Variants in FAT3 observed in about 807,000 individuals in gnomAD.
The protein encoded by FAT3 is protocadherin Fat 3.
A neutral mutation model predicts 310.2 loss-of-function variants in FAT3; 95 were observed. The observed-to-expected ratio is 0.31, with a 90% CI of 0.26 to 0.36. FAT3 has a LOEUF of 0.36. FAT3 is among the 10% of genes least tolerant of loss of function. FAT3 has a pLI of 1.00. For synonymous variants in FAT3, 2,314 were observed against 2,192.9 expected (o/e 1.06, Z -1.54); for missense variants, 5,408 against 5,715.6 (o/e 0.95, Z 1.74).
At chr11:92,278,847 C>G (rs1946348969) in intron 1 of FAT3, among the ~76,000 whole-genome samples, 1 of 152,096 alleles carries the variant, frequency 6.6e-6, no homozygotes, top group South Asian at 2.1e-4. Context: ...GAGACCAGCC[C>G]ATCTCAGGAG....
intron 3 of FAT3, among the ~76,000 whole-genome samples, chr11:92,578,223 T>A (rs555786357): frequency 4.8e-5 from 3 of 62,792 alleles, no homozygotes; most frequent in African/African-American, 9.6e-5. Context: ...TGACCAACAC[T>A]GATAATAATA....
intron 1 of FAT3, among the ~76,000 whole-genome samples, chr11:92,300,812 C>T (rs1946980681): frequency 1.3e-5 from 2 of 152,154 alleles, no homozygotes; most frequent in Admixed American, 1.3e-4. Flanking sequence ...TTGTCAAATA[C>T]ATGCATGACA....
intron 3 of FAT3, among the ~76,000 whole-genome samples, chr11:92,541,137 G>A (rs1954436173): frequency 6.6e-6 from 1 of 152,058 alleles, no homozygotes; most frequent in African/African-American, 2.4e-5. Context: ...GTTATTTATT[G>A]AACACCTACT....
intron 3 of FAT3, among the ~76,000 whole-genome samples, chr11:92,562,748 G>A (rs1206495702): frequency 6.6e-6 from 1 of 152,132 alleles, no homozygotes; most frequent in Non-Finnish European, 1.5e-5. Context: ...AAACTCTGAT[G>A]TCTAAGGATA....
At chr11:92,491,383 A>C (rs1362517951) in intron 2 of FAT3, among the ~76,000 whole-genome samples, 2 of 152,028 alleles carry the variant, frequency 1.3e-5, no homozygotes, top group African/African-American at 4.8e-5. Flanking sequence ...TACCTTTCAC[A>C]CAAAGAATTG....
At chr11:92,499,083 A>T (rs1182960049) in intron 2 of FAT3, 1 of 152,046 alleles carries the variant, frequency 6.6e-6, no homozygotes, top group Non-Finnish European at 1.5e-5. Context: ...TTTAGCAAGC[A>T]TTTATTGAAG....
At position 92,694,726 on chromosome 11, in the gene FAT3, G is replaced by A. The variant is rs1226948698; in HGVS notation, c.3608-2658G>A. 2.0e-5 allele frequency among the ~76,000 whole-genome samples: 3 copies of A among 152,108 alleles called. 1 individual carries two copies. The highest frequency in any genetic ancestry group is 4.8e-5 in the African/African-American group (2 of 41,410). ...AAAGGGGTCCTGGTCTTTTGTGGCC[G>A]GAAGAGCAGCAGGGTGAAGGCCAAC... On this transcript the variant is annotated intron_variant, in intron 3 of 27. Transcript: ENST00000525166.
intron 1 of FAT3, among the ~76,000 whole-genome samples, chr11:92,299,926 C>T (rs1372218277): frequency 6.6e-6 from 1 of 152,128 alleles, no homozygotes; most frequent in Non-Finnish European, 1.5e-5. Context: ...ATCTCTTCAG[C>T]AGGGCACATT....
rs947880470 is a variant in FAT3 at position 92,646,535 on chromosome 11, A to C, written c.3608-50849A>C. Among the ~76,000 whole-genome samples, 3 of 152,334 alleles carry C rather than the reference A, an allele frequency of 2.0e-5. No individual in the cohort carries two copies. In the South Asian group the frequency reaches 6.2e-4, roughly 32 times the overall value. ...CCATCTTTAATGTTTCATACCAGCTAGTTGAAGGGAAAGGCATACTTACTG... is the reference window on the plus strand; with the variant it reads ...CCATCTTTAATGTTTCATACCAGCTCGTTGAAGGGAAAGGCATACTTACTG... On this transcript the variant is annotated intron_variant, in intron 3 of 27. Coordinates refer to ENST00000525166, the MANE Select transcript of FAT3 (RefSeq NM_001367949.2).
chr11:92,496,751 A>G (rs564814542), intron 2 of FAT3, among the ~76,000 whole-genome samples: 1 of 152,046 alleles, frequency 6.6e-6, no homozygotes, highest in Admixed American at 6.6e-5. Context: ...ACGGTGTTAG[A>G]TTTGCAAATC....
chr11:92,736,680 T>C (rs142191624), intron 4 of FAT3, among the ~76,000 whole-genome samples: 2 of 152,292 alleles, frequency 1.3e-5, no homozygotes, highest in East Asian at 1.9e-4. Context: ...TAGCTACTGA[T>C]ACTGTAGAAA....
chr11:92,645,640 T>G (rs1182964482), intron 3 of FAT3, among the ~76,000 whole-genome samples: 2 of 152,196 alleles, frequency 1.3e-5, no homozygotes, highest in Non-Finnish European at 2.9e-5. Flanking sequence ...TTTGTTTGCT[T>G]TTTTTTAGGT....
In FAT3 at chr11:92,524,753, G is replaced by A. The variant is rs1217559978; in HGVS notation, c.3412G>A (p.Val1138Ile). The A allele has an allele frequency of 2.5e-6, 4 of 1,613,682 alleles. No homozygotes were observed. The highest frequency in any genetic ancestry group is 1.3e-5 in the African/African-American group (1 of 74,898). The change falls in exon 3 of 28, where the codon GTT becomes ATT. Residue 1138 changes from valine (V) to isoleucine (I), a missense_variant. Coordinates refer to ENST00000525166, the MANE Select transcript of FAT3 (RefSeq NM_001367949.2). ...LYSTIEVYIE[V>I]EDVNDNAPLT... ...CTCCACCATTGAGGTCTACATTGAA[G>A]TTGAAGATGTGAATGACAATGCCCC...
chr11:92,320,857 G>A (rs370808893), intron 1 of FAT3, among the ~76,000 whole-genome samples: 95 of 138,312 alleles, frequency 6.9e-4, no homozygotes, highest in African/African-American at 2.8e-3. Context: ...GCAATGGAGC[G>A]AAACTCCATC....
intron 4 of FAT3, among the ~76,000 whole-genome samples, chr11:92,724,231 T>A (rs1944936736): frequency 6.6e-6 from 1 of 152,142 alleles, no homozygotes; most frequent in African/African-American, 2.4e-5. Context: ...TGGCAGGCTA[T>A]CTTCTGAGGC....
At chr11:92,635,045 G>T (rs1432812895) in intron 3 of FAT3, among the ~76,000 whole-genome samples, 2 of 152,104 alleles carry the variant, frequency 1.3e-5, no homozygotes, top group Admixed American at 1.3e-4. Context: ...CTTGATATCG[G>T]ACTTCTAGCT....
intron 10 of FAT3, among the ~76,000 whole-genome samples, chr11:92,803,519 C>T (rs149746715): frequency 2.6e-5 from 4 of 152,154 alleles, no homozygotes; most frequent in African/African-American, 9.7e-5. Context: ...GAATCCTGGC[C>T]AGTGGTGAAG....
At position 92,844,614 on chromosome 11, in the gene FAT3, G is replaced by A. The variant is rs1296928416; in HGVS notation, c.11247G>A (p.Gln3749=). 5 of 1,613,412 alleles carry A rather than the reference G, an allele frequency of 3.1e-6. No individual in the cohort carries two copies. The highest frequency in any genetic ancestry group is 2.2e-5 in the East Asian group (1 of 44,882). Residue 3749 remains glutamine, a synonymous_variant, in exon 19 of 28, where the codon CAG becomes CAA. Coordinates refer to ENST00000525166, the MANE Select transcript of FAT3 (RefSeq NM_001367949.2). ...AGAACTGCTCAGGGCTGGACTGTCA[G>A]GAACAGCATTGTGAGCAAGGCTTGT... ...LEKNCSGLDC[Q]EQHCEQGLSL...
At chr11:92,866,676 A>T in intron 21 of FAT3, 65 bp from the exon 22 acceptor site, 4 of 1,434,178 alleles carry the variant, frequency 2.8e-6, no homozygotes, top group Non-Finnish European at 2.8e-6. Flanking sequence ...GGCCAGGAGC[A>T]GGGTGTAGGG....
Sources: gnomAD v4.1 joint callset for allele counts (sites outside exome capture counted in the v4.1 genomes callset) on GRCh38, gnomAD v4.1.1 for gene constraint, MANE v1.5 for transcripts, NCBI Gene and HGNC (gene_info 2026-07-23, HGNC 2026-07-21) for gene names.